FAM227B: variants seen among roughly 807,000 people sequenced by gnomAD.
The protein encoded by FAM227B is protein FAM227B.
Under a neutral mutation model 73.8 loss-of-function variants are expected in FAM227B, and 88 were observed. The observed-to-expected ratio is 1.19, with a 90% confidence interval of 1.00 to 1.42. The LOEUF (loss-of-function observed/expected upper bound fraction) is 1.42. FAM227B is among the 40% of genes most tolerant of loss of function. The pLI is 0.00. For synonymous variants in FAM227B, 210 were observed against 190.5 expected, an observed-to-expected ratio of 1.10 and a Z score of -0.84; for missense variants, 632 against 590.9, an observed-to-expected ratio of 1.07 and a Z score of -0.72.
intron 2 of FAM227B, 43 bp downstream of exon 2, chr15:49,615,078 A>G (rs745810489): frequency 1.3e-6 from 2 of 1,573,700 alleles, no homozygotes; most frequent in Non-Finnish European, 1.7e-6. Context: ...CAAGAGAAAT[A>G]TAACCTTTGT....
intron 11 of FAM227B, among the ~76,000 whole-genome samples, chr15:49,476,033 A>G (rs1305751325): frequency 6.6e-6 from 1 of 152,096 alleles, no homozygotes; most frequent in African/African-American, 2.4e-5. Context: ...TGACTTTTGA[A>G]TCTTTGCTTC....
intron 11 of FAM227B, among the ~76,000 whole-genome samples, chr15:49,404,337 CT>C (rs1204955843): frequency 6.6e-6 from 1 of 152,126 alleles, no homozygotes; most frequent in African/African-American, 2.4e-5. Context: ...CCTCAATGAT[CT>C]GTATTAATAC....
intron 8 of FAM227B, among the ~76,000 whole-genome samples, chr15:49,571,340 T>G (rs1401810150): frequency 6.6e-6 from 1 of 152,012 alleles, no homozygotes; most frequent in Non-Finnish European, 1.5e-5. Context: ...TTTGCTCTGC[T>G]GAAGCTTTTT....
intron 8 of FAM227B, among the ~76,000 whole-genome samples, chr15:49,568,715 A>G (rs2074859726): frequency 6.6e-6 from 1 of 152,034 alleles, no homozygotes; most frequent in Admixed American, 6.6e-5. Flanking sequence ...AATTATCCTT[A>G]CATTCCAGGA....
chr15:49,359,396 AAAAC>A (rs1267080110), intron 13 of FAM227B, among the ~76,000 whole-genome samples: 2 of 119,718 alleles, frequency 1.7e-5, no homozygotes, highest in Admixed American at 7.9e-5. Flanking sequence ...TTACAAGAAA[AAAAC>A]AAACAACCCC....
chr15:49,526,545 T>G (rs950935287), intron 10 of FAM227B, among the ~76,000 whole-genome samples: 1 of 151,804 alleles, frequency 6.6e-6, no homozygotes, highest in Non-Finnish European at 1.5e-5. Flanking sequence ...ATAACAAAGA[T>G]AAGAGCAGAA....
chr15:49,487,465 T>C (rs1301477708), intron 11 of FAM227B: 1 of 151,868 alleles, frequency 6.6e-6, no homozygotes, highest in Admixed American at 6.6e-5. Context: ...TTGTCAGCCT[T>C]TGAGTTGGCT....
intron 1 of FAM227B, among the ~76,000 whole-genome samples, chr15:49,618,397 G>C (rs978563586): frequency 3.9e-5 from 6 of 152,192 alleles, no homozygotes; most frequent in African/African-American, 1.4e-4. Context: ...ATTAACTGAT[G>C]TATTTCACTG....
intron 10 of FAM227B, among the ~76,000 whole-genome samples, chr15:49,514,902 G>A (rs992331829): frequency 6.6e-6 from 1 of 152,036 alleles, no homozygotes. Context: ...TACACTTAGG[G>A]CTATAATCCA....
chr15:49,520,442 C>T (rs1049457300), intron 10 of FAM227B, among the ~76,000 whole-genome samples: 2 of 152,138 alleles, frequency 1.3e-5, no homozygotes, highest in Non-Finnish European at 2.9e-5. Flanking sequence ...TTAATAGTAC[C>T]CTGCTCTCCT....
At chr15:49,605,686 T>C (rs1282302816) in intron 3 of FAM227B, among the ~76,000 whole-genome samples, 1 of 151,518 alleles carries the variant, frequency 6.6e-6, no homozygotes, top group Admixed American at 6.6e-5. Context: ...TACACTGGAG[T>C]GGACCTGAAG....
chr15:49,568,383 A>G (rs760900060), intron 8 of FAM227B, 37 bp from the exon 9 acceptor site: 17 of 1,502,106 alleles, frequency 1.1e-5, no homozygotes, highest in Non-Finnish European at 1.6e-5. Flanking sequence ...CAATATTACA[A>G]TTTAAAACTG....
intron 11 of FAM227B, among the ~76,000 whole-genome samples, chr15:49,482,825 T>G (rs1214210614): frequency 1.3e-5 from 2 of 152,050 alleles, no homozygotes; most frequent in African/African-American, 2.4e-5. Context: ...TGGTATGAGT[T>G]CAATAAACAT....
intron 11 of FAM227B, among the ~76,000 whole-genome samples, chr15:49,471,327 A>G (rs1292296981): frequency 6.6e-6 from 1 of 151,820 alleles, no homozygotes; most frequent in Non-Finnish European, 1.5e-5. Context: ...TCTACTAAAA[A>G]TACAAAAATT....
intron 11 of FAM227B, chr15:49,483,195 A>C (rs1346027206): frequency 6.3e-7 from 1 of 1,592,294 alleles, no homozygotes; most frequent in Non-Finnish European, 8.5e-7. Flanking sequence ...TGTGGCAATC[A>C]AAGGGGTGGA....
chr15:49,521,224 C>T (rs1783409372), intron 10 of FAM227B, among the ~76,000 whole-genome samples: 1 of 152,190 alleles, frequency 6.6e-6, no homozygotes, highest in African/African-American at 2.4e-5. Context: ...CACACTCTGA[C>T]TTTGGCAATC....
intron 11 of FAM227B, among the ~76,000 whole-genome samples, chr15:49,406,420 G>C (rs2151659889): frequency 6.6e-6 from 1 of 152,300 alleles, no homozygotes; most frequent in South Asian, 2.1e-4. Context: ...ACTGTTGATA[G>C]TGTTGGCACG....
At chr15:49,463,162 C>G (rs2053953844) in intron 11 of FAM227B, among the ~76,000 whole-genome samples, 1 of 152,230 alleles carries the variant, frequency 6.6e-6, no homozygotes, top group African/African-American at 2.4e-5. Flanking sequence ...GTACTACAAT[C>G]TCTTCACTGG....
intron 11 of FAM227B, among the ~76,000 whole-genome samples, chr15:49,384,515 G>T (rs8034747): frequency 0.68 from 103,285 of 151,672 alleles, 35,520 homozygotes; most frequent in African/African-American, 0.73. Flanking sequence ...AAAAACAATA[G>T]GGAAGTGCCA....
Sources: allele counts gnomAD v4.1 joint callset (sites outside exome capture counted in the v4.1 genomes callset), GRCh38; gene constraint gnomAD v4.1.1; transcripts MANE v1.5; gene names NCBI Gene and HGNC (gene_info 2026-07-23, HGNC 2026-07-21).